The following EDIL3 variants were observed in gnomAD, a reference collection of about 807,000 sequenced individuals.
The protein encoded by EDIL3 is EGF-like repeat and discoidin I-like domain-containing protein 3.
A neutral mutation model predicts 67.4 loss-of-function variants in EDIL3; 37 were observed. The observed-to-expected ratio is 0.55, with a 90% CI of 0.42 to 0.72. The LOEUF is 0.72. EDIL3 is among the 30% of genes least tolerant of loss of function. The probability of loss-of-function intolerance (pLI) is 0.00; values close to 1 mark genes in which losing one functional copy is unlikely to be tolerated. For synonymous variants in EDIL3, 195 were observed against 196.3 expected (o/e 0.99, Z 0.05); for missense variants, 527 against 586.3 (o/e 0.90, Z 1.04).
chr5:84,329,065 A>T (rs923822648), intron 1 of EDIL3, among the ~76,000 whole-genome samples: 1 of 152,138 alleles, frequency 6.6e-6, no homozygotes, highest in Non-Finnish European at 1.5e-5. Flanking sequence ...CCCATTTTAT[A>T]AATTTATTTC....
chr5:83,993,895 G>A (rs1745192675), intron 9 of EDIL3, among the ~76,000 whole-genome samples: 1 of 152,124 alleles, frequency 6.6e-6, no homozygotes, highest in African/African-American at 2.4e-5. Flanking sequence ...AAGCCTCTGA[G>A]AAATATAACT....
intron 1 of EDIL3, among the ~76,000 whole-genome samples, chr5:84,329,255 T>A (rs1746824565): frequency 6.6e-6 from 1 of 152,100 alleles, no homozygotes; most frequent in Non-Finnish European, 1.5e-5. Flanking sequence ...GTTATTAATA[T>A]CCCATACCAC....
chr5:84,093,144 G>A (rs1419465468), intron 6 of EDIL3, among the ~76,000 whole-genome samples: 1 of 151,922 alleles, frequency 6.6e-6, no homozygotes, highest in East Asian at 1.9e-4. Flanking sequence ...GTATCACACA[G>A]TGCAGAATAA....
chr5:84,052,990 A>G (rs1204680563), intron 9 of EDIL3, among the ~76,000 whole-genome samples: 18 of 152,172 alleles, frequency 1.2e-4, no homozygotes, highest in Admixed American at 7.9e-4. Flanking sequence ...TCCACCCCAA[A>G]TCAACAGAAT....
rs1198920569 is a variant in EDIL3 at position 84,371,475 on chromosome 5, AG to A, written c.67+12832del. Among the ~76,000 whole-genome samples the A allele has an allele frequency of 2.7e-5, 4 of 145,924 alleles. No homozygotes were observed. The South Asian group carries it at 6.4e-4, about 23-fold the overall frequency. On this transcript the variant is annotated intron_variant, in intron 1 of 10. Coordinates refer to ENST00000296591, the MANE Select transcript of EDIL3 (RefSeq NM_005711.5). ...TAGAGAGAGAGAGAGAGAGAGAGAG[AG>A]AAAGAGAGAGAGAGAGAGAAAATAA...
chr5:83,993,860 T>C (rs778918970), intron 9 of EDIL3, among the ~76,000 whole-genome samples: 3 of 152,194 alleles, frequency 2.0e-5, no homozygotes, highest in Non-Finnish European at 4.4e-5. Flanking sequence ...CCACTCTGTA[T>C]ACCCAGGTCT....
At chr5:84,027,702 C>T (rs1031783747) in intron 9 of EDIL3, among the ~76,000 whole-genome samples, 3 of 151,848 alleles carry the variant, frequency 2.0e-5, no homozygotes, top group Non-Finnish European at 2.9e-5. Flanking sequence ...GCTTATTATA[C>T]AGGATAGACA....
At chr5:84,081,125 G>C (rs547089105) in intron 6 of EDIL3, among the ~76,000 whole-genome samples, 14 of 152,326 alleles carry the variant, frequency 9.2e-5, no homozygotes, top group African/African-American at 3.4e-4. Flanking sequence ...CACCAGGGGT[G>C]AAAGCTGTTG....
chr5:83,965,441 G>T (rs1744672096), intron 9 of EDIL3, among the ~76,000 whole-genome samples: 1 of 151,952 alleles, frequency 6.6e-6, no homozygotes, highest in Admixed American at 6.6e-5. Flanking sequence ...TCTTAATGTT[G>T]CTGGCACTCA....
chr5:83,964,600 T>TAGTG (rs755594586), intron 9 of EDIL3, among the ~76,000 whole-genome samples: 1 of 152,012 alleles, frequency 6.6e-6, no homozygotes, highest in Non-Finnish European at 1.5e-5. Flanking sequence ...AGGCCATATT[T>TAGTG]AGTGACACAG....
intron 1 of EDIL3, among the ~76,000 whole-genome samples, chr5:84,377,887 C>T (rs1191759236): frequency 6.6e-6 from 1 of 152,202 alleles, no homozygotes; most frequent in African/African-American, 2.4e-5. Flanking sequence ...CACCTAAATT[C>T]TTGTACTTAA....
chr5:84,361,148 T>C (rs1235950147), intron 1 of EDIL3, among the ~76,000 whole-genome samples: 8 of 152,042 alleles, frequency 5.3e-5, no homozygotes, highest in East Asian at 1.9e-4. Flanking sequence ...ATGATGATTC[T>C]TGTTTTACCT....
At chr5:84,062,382 G>C (rs1358034714) in intron 8 of EDIL3, among the ~76,000 whole-genome samples, 1 of 152,056 alleles carries the variant, frequency 6.6e-6, no homozygotes, top group Non-Finnish European at 1.5e-5. Flanking sequence ...AGATACAAGG[G>C]AAGAGGAAAG....
intron 9 of EDIL3, among the ~76,000 whole-genome samples, chr5:83,964,417 A>T (rs1199594689): frequency 1.3e-5 from 2 of 151,822 alleles, no homozygotes; most frequent in Non-Finnish European, 2.9e-5. Flanking sequence ...TGATCTTATC[A>T]TCTTTAACTG....
chr5:84,193,750 T>G (rs78169184), intron 3 of EDIL3, among the ~76,000 whole-genome samples: 2 of 151,976 alleles, frequency 1.3e-5, no homozygotes, highest in Admixed American at 1.3e-4. Flanking sequence ...CAATTTAACA[T>G]GTACACATTG....
At chr5:84,317,373 T>C (rs1746536085) in intron 1 of EDIL3, among the ~76,000 whole-genome samples, 2 of 151,264 alleles carry the variant, frequency 1.3e-5, no homozygotes, top group African/African-American at 2.4e-5. Context: ...GCAAGACTAA[T>C]AAAGAAGGAA....
chr5:84,210,463 A>T (rs1029834393), intron 3 of EDIL3, among the ~76,000 whole-genome samples: 2 of 152,188 alleles, frequency 1.3e-5, no homozygotes, highest in Non-Finnish European at 2.9e-5. Flanking sequence ...AAACTATGTT[A>T]AAATATTTAA....
At chr5:84,313,586 T>G (rs1020551128) in intron 1 of EDIL3, among the ~76,000 whole-genome samples, 30 of 152,180 alleles carry the variant, frequency 2.0e-4, no homozygotes, top group African/African-American at 7.0e-4. Flanking sequence ...AATATCTACC[T>G]AGAAGACTAT....
intron 2 of EDIL3, among the ~76,000 whole-genome samples, chr5:84,247,225 C>T (rs73142633): frequency 0.013 from 1,954 of 152,076 alleles, 36 homozygotes; most frequent in African/African-American, 0.043. Context: ...TAAACCACCC[C>T]GACAACTACT....
Sources: allele counts gnomAD v4.1 joint callset (sites outside exome capture counted in the v4.1 genomes callset), GRCh38; gene constraint gnomAD v4.1.1; transcripts MANE v1.5; gene names NCBI Gene and HGNC (gene_info 2026-07-23, HGNC 2026-07-21).